The following METAP2 variants were observed in gnomAD, a reference collection of about 807,000 sequenced individuals.
METAP2 encodes methionyl aminopeptidase 2, also known as methionine aminopeptidase 2.
Under a neutral mutation model 59.4 loss-of-function variants are expected in METAP2, and 25 were observed. That is an observed-to-expected ratio of 0.42 (90% CI 0.31 to 0.59). The LOEUF is 0.59. METAP2 is among the 20% of genes least tolerant of loss of function. The pLI, the probability that METAP2 is intolerant of heterozygous loss-of-function variation, is 0.16. For missense variants in METAP2, 366 were observed against 581.2 expected (o/e 0.63, Z 3.81); for synonymous variants, 214 against 194.1 (o/e 1.10, Z -0.85).
intron 4 of METAP2, among the ~76,000 whole-genome samples, 160 bp downstream of exon 4, chr12:95,486,141 T>A (rs768544048): frequency 6.6e-6 from 1 of 152,218 alleles, no homozygotes; most frequent in Non-Finnish European, 1.5e-5. Context: ...CCAAAATGAT[T>A]GGGACCAATA....
chr12:95,498,014 T>C (rs1594427637), intron 7 of METAP2, among the ~76,000 whole-genome samples: 1 of 150,700 alleles, frequency 6.6e-6, no homozygotes, highest in African/African-American at 2.4e-5. Context: ...GCGCCTGTGG[T>C]CCCAGCTACT....
chr12:95,503,996 G>A (rs1451502635), intron 7 of METAP2, 69 bp from the exon 8 acceptor site: 1 of 1,141,556 alleles, frequency 8.8e-7, no homozygotes, highest in East Asian at 2.4e-5. Flanking sequence ...GTTTTTAAAT[G>A]TTACAAAATT....
rs577909232 is a variant in METAP2 at position 95,474,762 on chromosome 12, C to CT, written c.151+435dup. Among the ~76,000 whole-genome samples, 112 of 152,232 alleles carry CT rather than the reference C, an allele frequency of 7.4e-4. No homozygotes were observed. In the South Asian group the frequency reaches 0.013, roughly 17 times the overall value. On this transcript the variant is annotated intron_variant, in intron 1 of 10. Coordinates refer to ENST00000323666, the MANE Select transcript of METAP2 (RefSeq NM_006838.4). ...GCTGGAGCAAGCTAGGACTTATTTT[C>CT]TTTGGGGGTGGGCAAATGTAATGGA...
chr12:95,484,975 T>G (rs301036), intron 3 of METAP2: 266,343 of 433,398 alleles, frequency 0.61, 84,054 homozygotes, highest in African/African-American at 0.81. Flanking sequence ...ATCATTTCTG[T>G]AACAAGCCAA....
At chr12:95,475,695 C>T (rs1046278306) in intron 1 of METAP2, among the ~76,000 whole-genome samples, 3 of 152,102 alleles carry the variant, frequency 2.0e-5, no homozygotes, top group Non-Finnish European at 4.4e-5. Context: ...CAGGCTGCCC[C>T]GGGGTGTTGC....
chr12:95,482,293 A>G (rs927669146), intron 2 of METAP2: 10 of 363,622 alleles, frequency 2.8e-5, no homozygotes, highest in Non-Finnish European at 5.5e-5. Flanking sequence ...TTGTACTTTT[A>G]GTAGAGACAG....
rs1395787982 is a variant in METAP2 at position 95,511,988 on chromosome 12, C to G, written c.1058C>G (p.Thr353Arg). Reference protein sequence around the residue: ...TVPIVKGGEATRMEEGEVYAI... With the variant: ...TVPIVKGGEARRMEEGEVYAI... Reference sequence around the variant, plus strand: ...CCGATTGTGAAAGGAGGGGAGGCAACAAGAATGGAGGTATGTGTGTCACTA... The same window carrying G: ...CCGATTGTGAAAGGAGGGGAGGCAAGAAGAATGGAGGTATGTGTGTCACTA... The change falls in exon 9 of 11, where the codon ACA becomes AGA. Residue 353 changes from threonine to arginine, a missense_variant. Physicochemically the swap from Thr to Arg is moderately conservative, Grantham distance 71. Around this residue, in one of 4 missense-constraint regions of METAP2, gnomAD observed 82 missense variants for 156.2 expected, o/e 0.52. Transcript: ENST00000323666. The G allele has an allele frequency of 7.5e-6, 12 of 1,609,924 alleles. No individual in the cohort carries two copies. Among genetic ancestry groups the G allele is most frequent in the Non-Finnish European group, 1.0e-5 (12 of 1,176,654 alleles).
Position 95,476,168 on chromosome 12 carries a change from A to T in METAP2, c.249A>T (p.Glu83Asp). The T allele has an allele frequency of 6.3e-7, 1 of 1,596,432 alleles. No homozygotes were observed. Among genetic ancestry groups the T allele is most frequent in the Admixed American group, 1.7e-5 (1 of 58,478 alleles). Residue 83 changes from glutamate (E) to aspartate (D), a missense_variant, in exon 2 of 11, where the codon GAA becomes GAT. Glu to Asp is a conservative substitution (Grantham distance 45). This residue lies in a region of METAP2 where 177 missense variants were observed against 180.3 expected (regional missense o/e 0.98). Coordinates refer to ENST00000323666, the MANE Select transcript of METAP2 (RefSeq NM_006838.4). Reference protein sequence around the residue: ...RSALEDKERDEDDEDGDGDGD... With the variant: ...RSALEDKERDDDDEDGDGDGD... ...CATTGGAAGATAAAGAAAGAGATGA[A>T]GATGATGAAGGTAAATGGTTAATTT...
intron 7 of METAP2, among the ~76,000 whole-genome samples, chr12:95,502,206 T>G (rs1387424984): frequency 6.6e-6 from 1 of 151,840 alleles, no homozygotes; most frequent in Non-Finnish European, 1.5e-5. Context: ...GGGTCTCACT[T>G]TGTTGGCCAG....
Position 95,514,194 on chromosome 12 carries a change from TAA to T in METAP2, c.*291_*292del, listed in dbSNP as rs2076426820. On this transcript the variant is annotated 3_prime_UTR_variant, in exon 11 of 11. Transcript: ENST00000323666. ...ACTTATACGTTTTGTTTTGAATACCTAAGAGATACTTTTTGGATATTTATATT... is the reference window on the plus strand; with the variant it reads ...ACTTATACGTTTTGTTTTGAATACCTGAGATACTTTTTGGATATTTATATT... The T allele has an allele frequency of 8.6e-6, 3 of 350,166 alleles. No individual in the cohort carries two copies. The highest frequency in any genetic ancestry group is 1.5e-5 in the Non-Finnish European group (3 of 195,926). The allele number at this position is 350,166 out of a possible 1,614,324, so 21.7% of individuals were successfully genotyped here.
chr12:95,474,429 G>A, intron 1 of METAP2, 99 bp downstream of exon 1: 1 of 1,305,968 alleles, frequency 7.7e-7, no homozygotes, highest in Non-Finnish European at 1.1e-6. Flanking sequence ...CCAGAGCCCC[G>A]ACTAGACTGA....
intron 8 of METAP2, among the ~76,000 whole-genome samples, 195 bp downstream of exon 8, chr12:95,504,356 A>T (rs1015425913): frequency 6.6e-6 from 1 of 152,210 alleles, no homozygotes; most frequent in Non-Finnish European, 1.5e-5. Flanking sequence ...CTGTTAGCTG[A>T]TAAGAAAACA....
At chr12:95,496,467 A>G (rs962918141) in intron 7 of METAP2, among the ~76,000 whole-genome samples, 1 of 152,022 alleles carries the variant, frequency 6.6e-6, no homozygotes, top group East Asian at 1.9e-4. Context: ...CCCCTCCCCA[A>G]TTTCCTCCAT....
intron 2 of METAP2, among the ~76,000 whole-genome samples, chr12:95,477,031 A>G (rs1458703958): frequency 1.3e-5 from 2 of 152,178 alleles, no homozygotes; most frequent in Non-Finnish European, 2.9e-5. Context: ...AAAGTGACAT[A>G]GCTAATATGT....
chr12:95,512,905 T>G lies in METAP2; in HGVS notation c.1173T>G (p.His391Gln). The G allele has an allele frequency of 6.3e-7, 1 of 1,595,266 alleles. No homozygotes were observed. Among genetic ancestry groups the G allele is most frequent in the Non-Finnish European group, 8.6e-7 (1 of 1,163,100 alleles). The change falls in exon 10 of 11, where the codon CAT becomes CAG. Residue 391 changes from histidine (H) to glutamine (Q), a missense_variant. Transcript: ENST00000323666. ...SHYMKNFDVG[H>Q]VPIRLPRTKH... Reference sequence around the variant, plus strand: ...ACATGAAAAATTTTGATGTTGGACATGTGCCAATAAGGTGAGAGACGAGAC... The same window carrying G: ...ACATGAAAAATTTTGATGTTGGACAGGTGCCAATAAGGTGAGAGACGAGAC...
At chr12:95,501,152 G>A (rs1453968815) in intron 7 of METAP2, among the ~76,000 whole-genome samples, 2 of 151,768 alleles carry the variant, frequency 1.3e-5, no homozygotes, top group East Asian at 3.9e-4. Flanking sequence ...CGGGACCACA[G>A]GCGTGTACCA....
intron 4 of METAP2, among the ~76,000 whole-genome samples, chr12:95,492,278 G>A (rs146225834): frequency 6.6e-6 from 1 of 152,192 alleles, no homozygotes; most frequent in Non-Finnish European, 1.5e-5. Flanking sequence ...TGGGATTATA[G>A]GAGTAAGCCA....
intron 2 of METAP2, among the ~76,000 whole-genome samples, chr12:95,478,533 G>A (rs900056389): frequency 3.3e-5 from 5 of 152,166 alleles, no homozygotes; most frequent in African/African-American, 1.2e-4. Context: ...TCGGGAGGCT[G>A]AGGCAGGAAA....
intron 7 of METAP2, among the ~76,000 whole-genome samples, chr12:95,496,845 G>A (rs2076279228): frequency 1.0e-5 from 1 of 95,854 alleles, no homozygotes; most frequent in Admixed American, 1.2e-4. Flanking sequence ...TTTTTTTTGA[G>A]ATGGAGTCTT....
Sources: gnomAD v4.1 joint callset for allele counts (sites outside exome capture counted in the v4.1 genomes callset) on GRCh38, gnomAD v4.1.1 for gene constraint, gnomAD v4.1.1 regional missense constraint, MANE v1.5 for transcripts, NCBI Gene and HGNC (gene_info 2026-07-23, HGNC 2026-07-21) for gene names.